TTC39B: variants seen among roughly 807,000 people sequenced by gnomAD.
TTC39B encodes tetratricopeptide repeat protein 39B.
In TTC39B, 92 loss-of-function variants were observed where a neutral mutation model predicts 96.6. The observed-to-expected ratio is 0.95, with a 90% CI of 0.80 to 1.13. TTC39B has a LOEUF of 1.13. Ranked by LOEUF, TTC39B falls within the 50% of genes most tolerant of loss-of-function variation. The pLI is 0.00. For missense variants in TTC39B, 955 were observed against 809.3 expected (o/e 1.18, Z -2.18); for synonymous variants, 367 against 299.4 (o/e 1.23, Z -2.33).
chr9:15,223,260 C>T (rs1239897232), intron 3 of TTC39B, among the ~76,000 whole-genome samples: 1 of 152,110 alleles, frequency 6.6e-6, no homozygotes, highest in African/African-American at 2.4e-5. Flanking sequence ...CCATGGTTGT[C>T]AAAACACTCT....
At chr9:15,274,494 C>T (rs1251120751) in intron 1 of TTC39B, among the ~76,000 whole-genome samples, 1 of 152,170 alleles carries the variant, frequency 6.6e-6, no homozygotes, top group Non-Finnish European at 1.5e-5. Flanking sequence ...ACTGGGTTTG[C>T]AAAGGACAAG....
chr9:15,171,818 C>G (rs1817675388), exon 20 of TTC39B: 1 of 332,326 alleles, frequency 3.0e-6, no homozygotes, highest in African/African-American at 2.1e-5. Context: ...TAAGAATTTT[C>G]TAGATAATAT....
In TTC39B at chr9:15,214,034, T is replaced by C. The variant is rs901433687; in HGVS notation, c.482+105A>G. The C allele has an allele frequency of 1.6e-4, 131 of 801,854 alleles. No individual in the cohort carries two copies. In the African/African-American group the frequency reaches 1.9e-3, roughly 12 times the overall value. 49.7% of individuals were successfully genotyped at this position (801,854 alleles called of 1,614,324 possible). On this transcript the variant is annotated intron_variant, in intron 4 of 19. Coordinates refer to ENST00000512701, the Ensembl canonical transcript of TTC39B. ...AAGAGGTCTGAACTAAATTAGCTTATCAATATTCAGATGGGAACAGCTAAA... is the reference window on the plus strand; with the variant it reads ...AAGAGGTCTGAACTAAATTAGCTTACCAATATTCAGATGGGAACAGCTAAA...
At chr9:15,169,702 A>G (rs1817592682) in exon 20 of TTC39B, 1 of 152,246 alleles carries the variant, frequency 6.6e-6, no homozygotes, top group South Asian at 2.1e-4. Flanking sequence ...TAAAAGATCC[A>G]CTGGATATAC....
chr9:15,234,005 G>T (rs1424799307), intron 2 of TTC39B, among the ~76,000 whole-genome samples: 1 of 143,382 alleles, frequency 7.0e-6, no homozygotes, highest in Admixed American at 6.9e-5. Context: ...CCTCTGCCCC[G>T]CTGCCCCGTC....
At chr9:15,234,440 G>A (rs1478662490) in intron 2 of TTC39B, among the ~76,000 whole-genome samples, 12 of 148,608 alleles carry the variant, frequency 8.1e-5, no homozygotes, top group East Asian at 4.1e-4. Flanking sequence ...CAGCCGCCCC[G>A]TCTGGGAGGT....
intron 3 of TTC39B, among the ~76,000 whole-genome samples, chr9:15,217,360 C>T (rs568649697): frequency 1.3e-5 from 2 of 152,288 alleles, no homozygotes; most frequent in East Asian, 3.9e-4. Context: ...TCCACCTCTG[C>T]ATCTCAGCTG....
intron 1 of TTC39B, among the ~76,000 whole-genome samples, chr9:15,302,001 A>G (rs1824606678): frequency 1.3e-5 from 2 of 152,132 alleles, no homozygotes; most frequent in Admixed American, 6.6e-5. Flanking sequence ...CAATAACAGG[A>G]TCAGAATGAC....
intron 6 of TTC39B, 89 bp from the exon 7 acceptor site, chr9:15,203,979 G>T (rs1031639538): frequency 2.5e-6 from 3 of 1,208,504 alleles, no homozygotes; most frequent in African/African-American, 1.5e-5. Flanking sequence ...GCAGAAAAAT[G>T]AACCCAAGAG....
chr9:15,300,602 G>A (rs892370248), intron 1 of TTC39B, among the ~76,000 whole-genome samples: 5 of 152,112 alleles, frequency 3.3e-5, no homozygotes, highest in South Asian at 4.1e-4. Flanking sequence ...AACCTTCCAT[G>A]TGGCTGGTTG....
chr9:15,213,773 C>A (rs1334163106), intron 4 of TTC39B, among the ~76,000 whole-genome samples: 3 of 152,156 alleles, frequency 2.0e-5, no homozygotes, highest in Non-Finnish European at 4.4e-5. Flanking sequence ...TTGAGATCAG[C>A]ATATTCTGGT....
chr9:15,245,595 G>A (rs1822239618), intron 2 of TTC39B, among the ~76,000 whole-genome samples: 1 of 152,248 alleles, frequency 6.6e-6, no homozygotes, highest in East Asian at 1.9e-4. Flanking sequence ...GGAATGAAGG[G>A]CTCAAATTCT....
At chr9:15,179,339 CA>C (rs1244284225) in intron 17 of TTC39B, among the ~76,000 whole-genome samples, 4 of 152,182 alleles carry the variant, frequency 2.6e-5, no homozygotes, top group African/African-American at 4.8e-5. Flanking sequence ...GCTTTCAGCA[CA>C]AACCTCAGAA....
At chr9:15,238,825 A>T (rs1821905437) in intron 2 of TTC39B, among the ~76,000 whole-genome samples, 1 of 152,192 alleles carries the variant, frequency 6.6e-6, no homozygotes, top group Non-Finnish European at 1.5e-5. Flanking sequence ...GTCTCTACAA[A>T]AAATATGAAA....
At chr9:15,241,911 A>C (rs1822059396) in intron 2 of TTC39B, among the ~76,000 whole-genome samples, 1 of 151,840 alleles carries the variant, frequency 6.6e-6, no homozygotes, top group Non-Finnish European at 1.5e-5. Flanking sequence ...ACACCTGGCT[A>C]ATTTTTGTAT....
At chr9:15,173,824 T>C (rs1335172063) in intron 19 of TTC39B, among the ~76,000 whole-genome samples, 3 of 152,150 alleles carry the variant, frequency 2.0e-5, no homozygotes, top group Non-Finnish European at 4.4e-5. Flanking sequence ...CTACCTAATA[T>C]GAGTACCTAA....
At chr9:15,189,197 A>G (rs1478225684) in intron 13 of TTC39B, among the ~76,000 whole-genome samples, 3 of 152,146 alleles carry the variant, frequency 2.0e-5, no homozygotes, top group Non-Finnish European at 2.9e-5. Flanking sequence ...GGGTCCTTTG[A>G]TACGGAGCCC....
intron 1 of TTC39B, among the ~76,000 whole-genome samples, chr9:15,272,310 A>G (rs3853431): frequency 0.32 from 48,425 of 151,968 alleles, 11,920 homozygotes; most frequent in African/African-American, 0.69. Context: ...TACTCACCAT[A>G]AATTTCCTAG....
intron 2 of TTC39B, among the ~76,000 whole-genome samples, chr9:15,241,810 T>G (rs781385346): frequency 2.0e-5 from 3 of 150,752 alleles, no homozygotes; most frequent in Non-Finnish European, 4.4e-5. Context: ...TAGTGGGATC[T>G]CAGCTCACTG....
Sources: gnomAD v4.1 joint callset for allele counts (sites outside exome capture counted in the v4.1 genomes callset) on GRCh38, gnomAD v4.1.1 for gene constraint, MANE v1.5 for transcripts, NCBI Gene and HGNC (gene_info 2026-07-23, HGNC 2026-07-21) for gene names.